The following DOCK3 variants were observed in gnomAD, a reference collection of about 807,000 sequenced individuals.
DOCK3 encodes the protein dedicator of cytokinesis 3, also known as dedicator of cytokinesis protein 3.
In DOCK3, 60 loss-of-function variants were observed where a neutral mutation model predicts 265.6. That is an observed-to-expected ratio of 0.23 (90% confidence interval 0.18 to 0.28). DOCK3 has a LOEUF of 0.28. Ranked by LOEUF, DOCK3 falls within the 10% of genes least tolerant of loss-of-function variation. DOCK3 has a pLI of 1.00. For synonymous variants in DOCK3, 881 were observed against 938.0 expected, an observed-to-expected ratio of 0.94 and a Z score of 1.11; for missense variants, 1,981 against 2,594.3, an observed-to-expected ratio of 0.76 and a Z score of 5.14.
At chr3:50,804,423 C>T (rs1222318260) in intron 2 of DOCK3, among the ~76,000 whole-genome samples, 2 of 152,086 alleles carry the variant, frequency 1.3e-5, no homozygotes, top group East Asian at 1.9e-4. Flanking sequence ...GCCGAGATCA[C>T]GTCACTGCAC....
rs73837428 is a variant in DOCK3 at position 51,333,366 on chromosome 3, G to A, written c.3611+113G>A. The A allele has an allele frequency of 5.7e-3, 5,855 of 1,028,374 alleles. 222 individuals are homozygous for A. The African/African-American group carries it at 0.08, about 14-fold the overall frequency. The allele number at this position is 1,028,374 out of a possible 1,614,324, so 63.7% of individuals were successfully genotyped here. A position where few individuals can be genotyped will look rare whatever the true frequency, so the allele number is the denominator to read the frequency against. Reference sequence around the variant, plus strand: ...TGTGCTCTTCATGGGGAGGACTGTTGTGATATTGGGTGCCATCACCAGTCA... The same window carrying A: ...TGTGCTCTTCATGGGGAGGACTGTTATGATATTGGGTGCCATCACCAGTCA... On this transcript the variant is annotated intron_variant, in intron 35 of 52. Coordinates refer to ENST00000266037, the MANE Select transcript of DOCK3 (RefSeq NM_004947.5).
At chr3:50,712,060 A>C (rs550063943) in intron 1 of DOCK3, among the ~76,000 whole-genome samples, 1 of 152,288 alleles carries the variant, frequency 6.6e-6, no homozygotes, top group South Asian at 2.1e-4. Context: ...TCTTTTAAAA[A>C]AAATCTTGGT....
At chr3:50,736,719 CAG>C (rs1170004594) in intron 1 of DOCK3, among the ~76,000 whole-genome samples, 7 of 135,822 alleles carry the variant, frequency 5.2e-5, no homozygotes, top group Non-Finnish European at 1.1e-4. Flanking sequence ...TTTTTTGAGA[CAG>C]AGTCTCATTC....
intron 2 of DOCK3, among the ~76,000 whole-genome samples, chr3:50,794,926 G>A (rs2042686663): frequency 6.6e-6 from 1 of 152,082 alleles, no homozygotes; most frequent in African/African-American, 2.4e-5. Context: ...CGGGTCTGAG[G>A]GTAACGAATT....
At chr3:50,943,104 A>T (rs961755044) in intron 5 of DOCK3, among the ~76,000 whole-genome samples, 1 of 152,118 alleles carries the variant, frequency 6.6e-6, no homozygotes, top group Non-Finnish European at 1.5e-5. Context: ...AAATTAGAAT[A>T]AATAAAATCC....
chr3:50,888,479 A>G (rs1385623014), intron 3 of DOCK3, among the ~76,000 whole-genome samples: 2 of 152,184 alleles, frequency 1.3e-5, no homozygotes, highest in East Asian at 1.9e-4. Context: ...CAAGCTACCA[A>G]TGACTTTCTT....
chr3:50,930,995 C>T (rs2051034996), intron 4 of DOCK3, among the ~76,000 whole-genome samples: 1 of 152,112 alleles, frequency 6.6e-6, no homozygotes, highest in Non-Finnish European at 1.5e-5. Context: ...GGCTCCGGGC[C>T]TGGGGGTGGG....
intron 9 of DOCK3, among the ~76,000 whole-genome samples, chr3:51,092,562 G>A (rs2082678432): frequency 6.6e-6 from 1 of 152,216 alleles, no homozygotes; most frequent in African/African-American, 2.4e-5. Flanking sequence ...AGCACCTGGG[G>A]GAAGGAGCAG....
At chr3:50,871,657 T>G (rs1175444369) in intron 3 of DOCK3, among the ~76,000 whole-genome samples, 9 of 152,200 alleles carry the variant, frequency 5.9e-5, no homozygotes, top group Non-Finnish European at 8.8e-5. Context: ...ACTCTCAGAT[T>G]TGCTCTTTTG....
intron 10 of DOCK3, among the ~76,000 whole-genome samples, chr3:51,147,127 A>C (rs1444896369): frequency 1.3e-5 from 2 of 151,998 alleles, no homozygotes; most frequent in Admixed American, 6.6e-5. Flanking sequence ...CAAAAAAAAA[A>C]CAAAAAAAAA....
At chr3:50,983,855 C>G (rs1575678578) in intron 5 of DOCK3, among the ~76,000 whole-genome samples, 1 of 152,112 alleles carries the variant, frequency 6.6e-6, no homozygotes, top group African/African-American at 2.4e-5. Flanking sequence ...CTTTGGGGAG[C>G]CCAGTCCTGG....
chr3:51,050,671 T>A (rs1042104021), intron 5 of DOCK3, among the ~76,000 whole-genome samples: 1 of 152,192 alleles, frequency 6.6e-6, no homozygotes, highest in Non-Finnish European at 1.5e-5. Context: ...AGAAGATGAA[T>A]GTCTCAGCTC....
intron 5 of DOCK3, among the ~76,000 whole-genome samples, chr3:51,011,962 G>A (rs564375493): frequency 3.3e-5 from 5 of 152,160 alleles, no homozygotes; most frequent in Non-Finnish European, 5.9e-5. Context: ...AGCAAATGTC[G>A]CTGCCTCATT....
chr3:51,126,108 CAG>C (rs573973008), intron 9 of DOCK3, among the ~76,000 whole-genome samples: 135 of 152,254 alleles, frequency 8.9e-4, no homozygotes, highest in African/African-American at 3.2e-3. Context: ...TAAGTACAGT[CAG>C]AGAGACTGAG....
At chr3:50,737,397 C>T (rs2038708453) in intron 1 of DOCK3, among the ~76,000 whole-genome samples, 1 of 152,180 alleles carries the variant, frequency 6.6e-6, no homozygotes, top group Non-Finnish European at 1.5e-5. Flanking sequence ...GTCATGACAA[C>T]AGCACCAAGA....
chr3:51,120,220 G>T (rs1420020521), intron 9 of DOCK3, among the ~76,000 whole-genome samples: 1 of 151,992 alleles, frequency 6.6e-6, no homozygotes, highest in African/African-American at 2.4e-5. Context: ...AACAATCATG[G>T]CCCTCTTCTG....
intron 5 of DOCK3, among the ~76,000 whole-genome samples, chr3:51,048,595 T>A (rs1263731505): frequency 1.3e-5 from 2 of 152,200 alleles, no homozygotes; most frequent in African/African-American, 2.4e-5. Context: ...GAAGTTTGTT[T>A]ACATCAAACC....
At chr3:50,807,782 T>G (rs1484803135) in intron 2 of DOCK3, among the ~76,000 whole-genome samples, 7 of 152,228 alleles carry the variant, frequency 4.6e-5, no homozygotes. Flanking sequence ...AAAGTCTTGC[T>G]CTGTTGCCCA....
intron 26 of DOCK3, 182 bp downstream of exon 26, chr3:51,277,936 G>T (rs1484383252): frequency 1.0e-6 from 1 of 985,112 alleles, no homozygotes; most frequent in African/African-American, 1.7e-5. Flanking sequence ...AAAGCTCTAG[G>T]TTCACATTCC....
Sources: allele counts gnomAD v4.1 joint callset (sites outside exome capture counted in the v4.1 genomes callset), GRCh38; gene constraint gnomAD v4.1.1; transcripts MANE v1.5; gene names NCBI Gene and HGNC (gene_info 2026-07-23, HGNC 2026-07-21).